CNGB3: variants seen among roughly 807,000 people sequenced by gnomAD.
The protein encoded by CNGB3 is cyclic nucleotide gated channel subunit beta 3, also known as cyclic nucleotide-gated channel beta-3.
CNGB3 carries 86 observed loss-of-function variants against 92.8 expected under a neutral mutation model. That is an observed-to-expected ratio of 0.93 (90% CI 0.78 to 1.11). The LOEUF (loss-of-function observed/expected upper bound fraction) is 1.11, where lower values mean the gene tolerates loss of function less well. CNGB3 is among the 50% of genes least tolerant of loss of function. CNGB3 has a pLI of 0.00. For missense variants in CNGB3, 1,026 were observed against 956.8 expected (o/e 1.07, Z -0.95); for synonymous variants, 333 against 332.7 (o/e 1.00, Z -0.01).
rs1821635429 is a variant in CNGB3 at position 86,575,168 on chromosome 8, G to A, written c.*636C>T. On this transcript the variant is annotated 3_prime_UTR_variant, in exon 18 of 18. Coordinates refer to ENST00000320005, the MANE Select transcript of CNGB3 (RefSeq NM_019098.5). ...ATGTTCCTGCAATGTGATTTTGCCA[G>A]TTTGCTAATTCTGCCGACCAACATT... The A allele has an allele frequency of 6.6e-6, 1 of 152,194 alleles. No individual in the cohort carries two copies. Among genetic ancestry groups the A allele is most frequent in the African/African-American group, 2.4e-5 (1 of 41,450 alleles). 9.4% of individuals were successfully genotyped at this position (152,194 alleles called of 1,614,324 possible).
At chr8:86,615,143 C>G (rs1332868978) in intron 13 of CNGB3, among the ~76,000 whole-genome samples, 1 of 152,042 alleles carries the variant, frequency 6.6e-6, no homozygotes, top group African/African-American at 2.4e-5. Context: ...AATACTATGC[C>G]ACAGATTTTG....
At chr8:86,660,750 G>A in intron 6 of CNGB3, 1 of 526,106 alleles carries the variant, frequency 1.9e-6, no homozygotes, top group Non-Finnish European at 3.9e-6. Flanking sequence ...GAGAGAACAG[G>A]TAACACCACT....
intron 7 of CNGB3, among the ~76,000 whole-genome samples, chr8:86,649,190 A>G (rs1823350968): frequency 6.6e-6 from 1 of 151,610 alleles, no homozygotes; most frequent in African/African-American, 2.4e-5. Context: ...AAATGGAAAC[A>G]CATCTCATGC....
chr8:86,687,737 T>C (rs1824217739), intron 3 of CNGB3, among the ~76,000 whole-genome samples: 1 of 151,982 alleles, frequency 6.6e-6, no homozygotes, highest in Non-Finnish European at 1.5e-5. Context: ...CCATTATTCA[T>C]CCACTCAATA....
intron 14 of CNGB3, among the ~76,000 whole-genome samples, chr8:86,610,569 A>G (rs1056141871): frequency 1.4e-4 from 21 of 152,166 alleles, no homozygotes; most frequent in Non-Finnish European, 3.1e-4. Flanking sequence ...GTCTTACAAC[A>G]GCGTGTGCTT....
At chr8:86,722,786 C>T (rs1259581616) in intron 3 of CNGB3, among the ~76,000 whole-genome samples, 1 of 152,116 alleles carries the variant, frequency 6.6e-6, no homozygotes, top group Non-Finnish European at 1.5e-5. Context: ...CAAACTGAAA[C>T]ATTGTTTCCT....
chr8:86,678,633 G>T (rs1824021713), intron 3 of CNGB3, among the ~76,000 whole-genome samples: 1 of 152,134 alleles, frequency 6.6e-6, no homozygotes, highest in African/African-American at 2.4e-5. Context: ...TAATCTGGAA[G>T]TGCTGGAGGT....
At chr8:86,739,825 G>C in intron 1 of CNGB3, 89 bp from the exon 2 acceptor site, 1 of 1,399,204 alleles carries the variant, frequency 7.1e-7, no homozygotes, top group Non-Finnish European at 1.0e-6. Context: ...CCACTTAATT[G>C]TCAATCAGAT....
At chr8:86,653,618 A>T in intron 7 of CNGB3, among the ~76,000 whole-genome samples, 1 of 152,256 alleles carries the variant, frequency 6.6e-6, no homozygotes, top group East Asian at 1.9e-4. Context: ...TTCTATTAAT[A>T]ATTTTTATTT....
In CNGB3 at chr8:86,684,102, C is replaced by T. The variant is rs367580945; in HGVS notation, c.339-13004G>A. Among the ~76,000 whole-genome samples the T allele has an allele frequency of 1.1e-4, 16 of 152,056 alleles. 1 individual carries two copies. Among genetic ancestry groups the T allele is most frequent in the Admixed American group, 5.9e-4 (9 of 15,270 alleles). ...AAATATTCACAGACTACCTATCTGA[C>T]AAAGGTCTAGTATCTAGGATATAAA... is the stretch of plus-strand genomic sequence containing the variant. On this transcript the variant is annotated intron_variant, in intron 3 of 17. Transcript: ENST00000320005.
At chr8:86,676,880 C>T (rs924326328) in intron 3 of CNGB3, among the ~76,000 whole-genome samples, 2 of 152,184 alleles carry the variant, frequency 1.3e-5, no homozygotes, top group East Asian at 3.8e-4. Flanking sequence ...GCTGCCTTTC[C>T]TATTTTTGCA....
intron 15 of CNGB3, among the ~76,000 whole-genome samples, chr8:86,595,174 A>C (rs535056929): frequency 6.7e-4 from 102 of 152,340 alleles, no homozygotes; most frequent in Non-Finnish European, 4.7e-4. Flanking sequence ...TCTTTTCTTT[A>C]ACCATAACTC....
At chr8:86,659,823 A>G in intron 6 of CNGB3, 1 of 399,972 alleles carries the variant, frequency 2.5e-6, no homozygotes, top group Non-Finnish European at 4.9e-6. Flanking sequence ...CAGTTGATCC[A>G]GAATTTCTTG....
At chr8:86,659,201 C>T in intron 6 of CNGB3, 1 of 718,312 alleles carries the variant, frequency 1.4e-6, no homozygotes, top group African/African-American at 1.7e-5. Flanking sequence ...TCGGCTGCAT[C>T]CTCTGCTACC....
intron 2 of CNGB3, among the ~76,000 whole-genome samples, chr8:86,729,196 T>G (rs192014898): frequency 6.6e-6 from 1 of 152,304 alleles, no homozygotes; most frequent in East Asian, 1.9e-4. Flanking sequence ...CCACTGTGCC[T>G]GGTGGGCTAT....
In CNGB3 at chr8:86,666,778, G is replaced by A. The variant is rs1823746614; in HGVS notation, c.852+147C>T. The A allele has an allele frequency of 3.8e-5, 28 of 731,028 alleles. No homozygotes were observed. In the South Asian group the frequency reaches 4.2e-4, roughly 11 times the overall value. The allele number at this position is 731,028 out of a possible 1,614,324, so 45.3% of individuals were successfully genotyped here. A position where few individuals can be genotyped will look rare whatever the true frequency, so the allele number is the denominator to read the frequency against. ...AACACTCAATGGCTGTTTTATAATT[G>A]TTTTCTTGTTATTATTGCTCATGAC... On this transcript the variant is annotated intron_variant, in intron 6 of 17. Coordinates refer to ENST00000320005, the MANE Select transcript of CNGB3 (RefSeq NM_019098.5).
At chr8:86,680,253 A>G (rs1219098189) in intron 3 of CNGB3, among the ~76,000 whole-genome samples, 1 of 152,240 alleles carries the variant, frequency 6.6e-6, no homozygotes, top group Non-Finnish European at 1.5e-5. Flanking sequence ...AGACATTGCC[A>G]CCAGTAAGCC....
intron 3 of CNGB3, among the ~76,000 whole-genome samples, chr8:86,696,754 G>A (rs1824456993): frequency 6.6e-6 from 1 of 151,934 alleles, no homozygotes; most frequent in Non-Finnish European, 1.5e-5. Flanking sequence ...CTTCGTTTTG[G>A]TTTTTAATGG....
intron 15 of CNGB3, among the ~76,000 whole-genome samples, chr8:86,587,276 AT>A (rs1389604959): frequency 6.6e-6 from 1 of 151,744 alleles, no homozygotes; most frequent in Non-Finnish European, 1.5e-5. Flanking sequence ...ATTTTCTCCC[AT>A]TTTGTAGGTT....
Sources: allele counts gnomAD v4.1 joint callset (sites outside exome capture counted in the v4.1 genomes callset), GRCh38; gene constraint gnomAD v4.1.1; transcripts MANE v1.5; gene names NCBI Gene and HGNC (gene_info 2026-07-23, HGNC 2026-07-21).